The following CLSTN2 variants were observed in gnomAD, a reference collection of about 807,000 sequenced individuals.
CLSTN2 encodes the protein calsyntenin 2.
Under a neutral mutation model 101.2 loss-of-function variants are expected in CLSTN2, and 48 were observed. The observed-to-expected ratio is 0.47, with a 90% CI of 0.38 to 0.60. CLSTN2 has a LOEUF of 0.60. Among genes scored for constraint, CLSTN2 ranks in the 20% least tolerant of loss-of-function variants. The probability of loss-of-function intolerance (pLI) is 0.00; values close to 1 mark genes in which losing one functional copy is unlikely to be tolerated. For synonymous variants in CLSTN2, 481 were observed against 463.6 expected, an observed-to-expected ratio of 1.04 and a Z score of -0.48; for missense variants, 1,160 against 1,238.2, an observed-to-expected ratio of 0.94 and a Z score of 0.95.
rs139284121 is a variant in CLSTN2, at chr3:140,026,070, C to T, written c.109+90587C>T. On this transcript the variant is annotated intron_variant, in intron 1 of 16. Coordinates refer to ENST00000458420, the MANE Select transcript of CLSTN2 (RefSeq NM_022131.3). ...GGCAGGTCCATCTGCTCTCCAGGAT[C>T]TCTCCTGGAGATTAAGCTCCTAACC... is the stretch of plus-strand genomic sequence containing the variant. Among the ~76,000 whole-genome samples, 7 of 152,224 alleles carry T rather than the reference C, an allele frequency of 4.6e-5. No individual in the cohort carries two copies. The South Asian group carries it at 1.5e-3, about 32-fold the overall frequency.
intron 2 of CLSTN2, among the ~76,000 whole-genome samples, chr3:140,341,374 C>T (rs939008231): frequency 6.6e-6 from 1 of 152,228 alleles, no homozygotes; most frequent in East Asian, 1.9e-4. Flanking sequence ...TGACCTCGTC[C>T]CCATGCTGCC....
intron 1 of CLSTN2, among the ~76,000 whole-genome samples, chr3:139,943,782 C>T (rs980479336): frequency 1.3e-5 from 2 of 152,206 alleles, no homozygotes; most frequent in African/African-American, 4.8e-5. Context: ...CCAACCTCTC[C>T]CATCCCAACC....
chr3:140,267,022 C>T (rs972318574), intron 2 of CLSTN2, among the ~76,000 whole-genome samples: 1 of 152,142 alleles, frequency 6.6e-6, no homozygotes, highest in Admixed American at 6.6e-5. Context: ...AGAAATGGGA[C>T]AAGTGAGACC....
chr3:140,330,775 A>G (rs2107929147), intron 2 of CLSTN2, among the ~76,000 whole-genome samples: 1 of 152,308 alleles, frequency 6.6e-6, no homozygotes, highest in East Asian at 1.9e-4. Flanking sequence ...GAGTTGTACC[A>G]CTTGTTCTGT....
intron 2 of CLSTN2, among the ~76,000 whole-genome samples, chr3:140,204,984 A>G (rs938731784): frequency 2.0e-5 from 3 of 152,150 alleles, no homozygotes; most frequent in African/African-American, 7.2e-5. Flanking sequence ...TCAAATATGA[A>G]AGGGAGTTGG....
intron 2 of CLSTN2, among the ~76,000 whole-genome samples, chr3:140,366,019 A>T (rs114688344): frequency 2.2e-4 from 34 of 152,248 alleles, no homozygotes; most frequent in African/African-American, 7.9e-4. Context: ...CTCTCCACGC[A>T]CAGCTGCTTA....
At chr3:140,356,495 C>T (rs770439037) in intron 2 of CLSTN2, among the ~76,000 whole-genome samples, 26 of 152,100 alleles carry the variant, frequency 1.7e-4, no homozygotes, top group Non-Finnish European at 2.6e-4. Context: ...CGCGGTGGCT[C>T]ATGCCTGTAA....
intron 8 of CLSTN2, among the ~76,000 whole-genome samples, chr3:140,495,170 A>G (rs1934438961): frequency 6.6e-6 from 1 of 152,148 alleles, no homozygotes; most frequent in South Asian, 2.1e-4. Flanking sequence ...CTGGCATGAG[A>G]TGGTATCTCA....
At chr3:140,503,444 G>A (rs901877669) in intron 8 of CLSTN2, among the ~76,000 whole-genome samples, 4 of 152,184 alleles carry the variant, frequency 2.6e-5, no homozygotes, top group African/African-American at 9.7e-5. Context: ...CATAGCCTAG[G>A]AGCAATAGGC....
chr3:140,421,319 T>C, intron 5 of CLSTN2, 45 bp downstream of exon 5: 2 of 1,609,540 alleles, frequency 1.2e-6, no homozygotes, highest in Non-Finnish European at 1.7e-6. Context: ...CATGGTCTGA[T>C]GTATAGAAGG....
intron 1 of CLSTN2, among the ~76,000 whole-genome samples, chr3:139,998,668 C>G (rs1164399227): frequency 6.6e-6 from 1 of 152,064 alleles, no homozygotes; most frequent in Non-Finnish European, 1.5e-5. Flanking sequence ...TCCCTAAAGT[C>G]TGCAGTCAGT....
At chr3:139,985,566 T>A (rs1440111133) in intron 1 of CLSTN2, among the ~76,000 whole-genome samples, 2 of 152,158 alleles carry the variant, frequency 1.3e-5, no homozygotes, top group African/African-American at 4.8e-5. Context: ...TGTATGATTG[T>A]GTATTTATGT....
At chr3:140,123,144 C>CTTGT (rs2009370987) in intron 1 of CLSTN2, among the ~76,000 whole-genome samples, 1 of 118,102 alleles carries the variant, frequency 8.5e-6, no homozygotes, top group South Asian at 2.6e-4. Flanking sequence ...AAAATGATAC[C>CTTGT]TTGTTACTGT....
intron 6 of CLSTN2, among the ~76,000 whole-genome samples, chr3:140,457,675 G>A (rs575473635): frequency 6.6e-5 from 10 of 152,226 alleles, no homozygotes; most frequent in South Asian, 4.1e-4. Flanking sequence ...GGCGTGGAGC[G>A]TGGACAAGGG....
intron 2 of CLSTN2, among the ~76,000 whole-genome samples, chr3:140,185,115 A>T (rs907025232): frequency 1.3e-5 from 2 of 152,010 alleles, no homozygotes; most frequent in African/African-American, 4.8e-5. Context: ...TTTCATCATC[A>T]TTTGGTTTTA....
intron 1 of CLSTN2, among the ~76,000 whole-genome samples, chr3:139,936,161 C>T (rs1935015992): frequency 6.6e-6 from 1 of 152,300 alleles, no homozygotes; most frequent in South Asian, 2.1e-4. Flanking sequence ...AAGAGCTTGA[C>T]CTCCCCGCGC....
At chr3:140,072,424 TGTTA>T (rs1338984178) in intron 1 of CLSTN2, among the ~76,000 whole-genome samples, 4 of 152,322 alleles carry the variant, frequency 2.6e-5, no homozygotes, top group South Asian at 2.1e-4. Context: ...AAACCACGTG[TGTTA>T]GTTATATGTA....
At chr3:140,117,217 G>T (rs763171608) in intron 1 of CLSTN2, among the ~76,000 whole-genome samples, 1 of 152,120 alleles carries the variant, frequency 6.6e-6, no homozygotes, top group Admixed American at 6.5e-5. Context: ...TACCCTGCCC[G>T]CCGTGGTTGC....
chr3:140,319,236 G>A (rs530875717), intron 2 of CLSTN2, among the ~76,000 whole-genome samples: 1 of 152,216 alleles, frequency 6.6e-6, no homozygotes, highest in South Asian at 2.1e-4. Flanking sequence ...CTAGAGCCAG[G>A]GTGGGCAAAT....
Sources: gnomAD v4.1 joint callset for allele counts (sites outside exome capture counted in the v4.1 genomes callset) on GRCh38, gnomAD v4.1.1 for gene constraint, MANE v1.5 for transcripts, NCBI Gene and HGNC (gene_info 2026-07-23, HGNC 2026-07-21) for gene names.